Variants in RPH3A observed in about 807,000 individuals in gnomAD.
The protein encoded by RPH3A is rabphilin 3A.
In RPH3A, 48 loss-of-function variants were observed where a neutral mutation model predicts 102.2. The observed-to-expected ratio is 0.47, with a 90% CI of 0.37 to 0.60. RPH3A has a LOEUF of 0.60. RPH3A is among the 20% of genes least tolerant of loss of function. The pLI is 0.00. For missense variants in RPH3A, 781 were observed against 910.1 expected, an observed-to-expected ratio of 0.86 and a Z score of 1.83; for synonymous variants, 310 against 324.3, an observed-to-expected ratio of 0.96 and a Z score of 0.47.
intron 11 of RPH3A, among the ~76,000 whole-genome samples, chr12:112,875,372 G>A (rs538708331): frequency 1.3e-5 from 2 of 152,232 alleles, no homozygotes; most frequent in South Asian, 4.2e-4. Context: ...GAGGCAGGGA[G>A]CATCTTACCC....
intron 1 of RPH3A, among the ~76,000 whole-genome samples, chr12:112,722,148 G>A (rs2136042904): frequency 6.6e-6 from 1 of 152,324 alleles, no homozygotes; most frequent in Admixed American, 6.5e-5. Flanking sequence ...AAGGTTGATT[G>A]GGAGAGCTTT....
In RPH3A at chr12:112,875,157, G is replaced by T. The variant is rs755622239; in HGVS notation, c.870G>T (p.Gln290His). ...PGSVQSPAPP[Q>H]PGQPGTPGGS... ...CGGTGCAGAGCCCAGCGCCACCTCA[G>T]CCTGGGCAGCCAGGTACCTGCCACT... The change falls in exon 11 of 22, where the codon CAG (glutamine) becomes CAT (histidine). Residue 290 changes from glutamine to histidine, a missense_variant. Physicochemically the swap from Gln to His is conservative, Grantham distance 24. Coordinates refer to ENST00000389385, the MANE Select transcript of RPH3A (RefSeq NM_001143854.2). 1 of 1,601,400 alleles carries T rather than the reference G, an allele frequency of 6.2e-7. No individual in the cohort carries two copies.
chr12:112,709,883 T>C (rs577179030), intron 1 of RPH3A, among the ~76,000 whole-genome samples: 1 of 152,106 alleles, frequency 6.6e-6, no homozygotes, highest in Non-Finnish European at 1.5e-5. Context: ...GGCTCAGACA[T>C]GTTTAATTGT....
chr12:112,863,767 G>A (rs955766503), intron 5 of RPH3A, among the ~76,000 whole-genome samples: 2 of 152,258 alleles, frequency 1.3e-5, no homozygotes, highest in African/African-American at 4.8e-5. Context: ...TTCATGCCAT[G>A]CTAAGCATAT....
At chr12:112,856,098 C>T (rs571529708) in intron 5 of RPH3A, among the ~76,000 whole-genome samples, 2 of 152,312 alleles carry the variant, frequency 1.3e-5, no homozygotes, top group South Asian at 2.1e-4. Context: ...TGGCCATTTC[C>T]TCTGCTGATT....
intron 1 of RPH3A, among the ~76,000 whole-genome samples, chr12:112,608,652 C>T (rs781539170): frequency 7.9e-5 from 12 of 152,168 alleles, no homozygotes; most frequent in East Asian, 1.9e-4. Flanking sequence ...TCTTGTAAGA[C>T]GCAAGCAGCT....
At chr12:112,651,236 G>A (rs1368166579) in intron 1 of RPH3A, among the ~76,000 whole-genome samples, 5 of 151,994 alleles carry the variant, frequency 3.3e-5, no homozygotes, top group African/African-American at 9.7e-5. Flanking sequence ...GGTGGTGCAT[G>A]CTTGTAGTCC....
intron 1 of RPH3A, among the ~76,000 whole-genome samples, chr12:112,595,276 T>G (rs773889532): frequency 3.3e-5 from 5 of 152,164 alleles, no homozygotes; most frequent in Non-Finnish European, 5.9e-5. Context: ...AGCTTAGATA[T>G]ATCTCTTACT....
At chr12:112,664,581 T>C (rs1413921462) in intron 1 of RPH3A, among the ~76,000 whole-genome samples, 1 of 152,154 alleles carries the variant, frequency 6.6e-6, no homozygotes, top group Non-Finnish European at 1.5e-5. Context: ...ATTGGCCCCC[T>C]GGGGGTTTTG....
At chr12:112,784,183 AG>A (rs1365924922) in intron 1 of RPH3A, among the ~76,000 whole-genome samples, 1 of 152,192 alleles carries the variant, frequency 6.6e-6, no homozygotes, top group East Asian at 1.9e-4. Flanking sequence ...AGCAAATATC[AG>A]CCCCCTTCAT....
At position 112,870,014 on chromosome 12, in the gene RPH3A, T is replaced by C; in HGVS notation, c.771T>C (p.Ala257=). 1.2e-6 allele frequency: 2 copies of C among 1,613,962 alleles called. No homozygotes were observed. The highest frequency in any genetic ancestry group is 8.5e-7 in the Non-Finnish European group (1 of 1,179,980). Reference sequence around the variant, plus strand: ...AGAGCTGGGACCACAGTGGGGGTGCTGGAGACTCCAGCCGGAGCCCAGCAG... The same window carrying C: ...AGAGCTGGGACCACAGTGGGGGTGCCGGAGACTCCAGCCGGAGCCCAGCAG... ...DSESWDHSGG[A]GDSSRSPAGL... The change falls in exon 10 of 22, where the codon GCT becomes GCC. Residue 257 remains alanine (A), a synonymous_variant. Transcript: ENST00000389385.
intron 3 of RPH3A, among the ~76,000 whole-genome samples, 153 bp downstream of exon 3, chr12:112,828,542 T>C (rs2041919168): frequency 6.6e-6 from 1 of 152,160 alleles, no homozygotes; most frequent in African/African-American, 2.4e-5. Context: ...CTCCCCTAGT[T>C]TGACTATTTT....
chr12:112,872,784 T>C (rs2042729988), intron 10 of RPH3A, among the ~76,000 whole-genome samples: 1 of 152,216 alleles, frequency 6.6e-6, no homozygotes, highest in East Asian at 1.9e-4. Flanking sequence ...AAGACAGTCA[T>C]AGGACATTTC....
chr12:112,608,179 G>A (rs559410309), intron 1 of RPH3A, among the ~76,000 whole-genome samples: 3 of 150,662 alleles, frequency 2.0e-5, no homozygotes, highest in Non-Finnish European at 2.9e-5. Flanking sequence ...GCAGTGGGGC[G>A]ATCTTGGCTT....
At chr12:112,830,808 A>G (rs1194160200) in intron 3 of RPH3A, among the ~76,000 whole-genome samples, 1 of 150,938 alleles carries the variant, frequency 6.6e-6, no homozygotes, top group African/African-American at 2.4e-5. Context: ...TTTTTTTATC[A>G]TTTTATTTTT....
intron 1 of RPH3A, among the ~76,000 whole-genome samples, chr12:112,580,394 C>CTTTTTTTTTTTTTT (rs773931202): frequency 3.2e-4 from 25 of 76,956 alleles, no homozygotes; most frequent in Admixed American, 4.9e-4. Context: ...TTTGTCTTGT[C>CTTTTTTTTTTTTTT]TTTTTTTTTT....
chr12:112,711,917 C>G (rs2040465605), intron 1 of RPH3A, among the ~76,000 whole-genome samples: 1 of 152,214 alleles, frequency 6.6e-6, no homozygotes, highest in Non-Finnish European at 1.5e-5. Context: ...ACTACAACCT[C>G]TGCCTCCCGG....
intron 4 of RPH3A, among the ~76,000 whole-genome samples, chr12:112,843,142 T>C (rs537379041): frequency 2.6e-5 from 4 of 152,178 alleles, no homozygotes; most frequent in Non-Finnish European, 5.9e-5. Context: ...CCAGAAGCCC[T>C]TGGCAAGGGT....
At chr12:112,753,060 G>A (rs1034159947) in intron 1 of RPH3A, among the ~76,000 whole-genome samples, 2 of 150,982 alleles carry the variant, frequency 1.3e-5, no homozygotes, top group African/African-American at 4.9e-5. Context: ...TTTTTCATAG[G>A]TGGATTGTTA....
Sources: gnomAD v4.1 joint callset for allele counts (sites outside exome capture counted in the v4.1 genomes callset) on GRCh38, gnomAD v4.1.1 for gene constraint, MANE v1.5 for transcripts, NCBI Gene and HGNC (gene_info 2026-07-23, HGNC 2026-07-21) for gene names.